PTPN13: variants seen among roughly 807,000 people sequenced by gnomAD.
PTPN13 encodes the protein protein tyrosine phosphatase non-receptor type 13.
Under a neutral mutation model 284.0 loss-of-function variants are expected in PTPN13, and 191 were observed. That is an observed-to-expected ratio of 0.67 (90% CI 0.60 to 0.76). The LOEUF (loss-of-function observed/expected upper bound fraction) is 0.76, where lower values mean the gene tolerates loss of function less well. Ranked by LOEUF, PTPN13 falls within the 30% of genes least tolerant of loss-of-function variation. PTPN13 has a pLI of 0.00. For missense variants in PTPN13, 2,797 were observed against 2,939.9 expected (o/e 0.95, Z 1.12); for synonymous variants, 986 against 1,022.3 (o/e 0.96, Z 0.68).
chr4:86,620,450 C>T (rs185990265), intron 1 of PTPN13, among the ~76,000 whole-genome samples: 42 of 152,270 alleles, frequency 2.8e-4, no homozygotes, highest in Non-Finnish European at 5.3e-4. Context: ...ATGAGCACTG[C>T]ACCCGCAGAA....
intron 23 of PTPN13, 140 bp downstream of exon 23, chr4:86,759,213 A>ATCTT: frequency 1.2e-6 from 1 of 856,746 alleles, no homozygotes; most frequent in South Asian, 1.8e-5. Flanking sequence ...AATGTGTTCC[A>ATCTT]TCTTTCTTTT....
At chr4:86,663,400 G>C (rs1399777860) in intron 2 of PTPN13, among the ~76,000 whole-genome samples, 1 of 152,194 alleles carries the variant, frequency 6.6e-6, no homozygotes, top group African/African-American at 2.4e-5. Flanking sequence ...TAATAAACTG[G>C]GGGAAACTTA....
At chr4:86,738,925 C>T (rs1735838360) in intron 15 of PTPN13, among the ~76,000 whole-genome samples, 1 of 152,218 alleles carries the variant, frequency 6.6e-6, no homozygotes, top group South Asian at 2.1e-4. Flanking sequence ...AAGTAATCTG[C>T]CTGCCTTGGC....
At chr4:86,600,432 CTTTTTTTTT>C (rs10588960) in intron 1 of PTPN13, among the ~76,000 whole-genome samples, 84 of 50,412 alleles carry the variant, frequency 1.7e-3, no homozygotes, top group African/African-American at 4.7e-3. Context: ...TACATAACCA[CTTTTTTTTT>C]TTTTTTTTTT....
intron 2 of PTPN13, among the ~76,000 whole-genome samples, chr4:86,653,453 T>C (rs544423206): frequency 4.1e-4 from 62 of 152,112 alleles, no homozygotes; most frequent in African/African-American, 1.5e-3. Context: ...CTGCAGCCAT[T>C]TCAGCACTAG....
At chr4:86,637,365 A>G (rs1002065588) in intron 2 of PTPN13, among the ~76,000 whole-genome samples, 3 of 152,168 alleles carry the variant, frequency 2.0e-5, no homozygotes, top group Admixed American at 6.5e-5. Flanking sequence ...AGCCGGGAAG[A>G]GACACAACCA....
chr4:86,752,098 A>T (rs1402625394), intron 19 of PTPN13, among the ~76,000 whole-genome samples: 12 of 152,122 alleles, frequency 7.9e-5, no homozygotes, highest in Admixed American at 6.5e-5. Context: ...AAAAGAATGG[A>T]TGTTTAAGCA....
At chr4:86,623,745 C>T (rs984041338) in intron 1 of PTPN13, among the ~76,000 whole-genome samples, 13 of 152,190 alleles carry the variant, frequency 8.5e-5, no homozygotes, top group African/African-American at 2.9e-4. Flanking sequence ...ATATGCACAT[C>T]TCACTCTCTC....
At position 86,701,517 on chromosome 4, in the gene PTPN13, ACT is replaced by A. The variant is rs1377871604; in HGVS notation, c.912_913del (p.Leu305AlafsTer5). 6 of 1,613,850 alleles carry A rather than the reference ACT, an allele frequency of 3.7e-6. No homozygotes were observed. The highest frequency in any genetic ancestry group is 1.3e-5 in the African/African-American group (1 of 74,924). ...AAGAAGATCTGGGCTTCATCCATGG[ACT>A]TGCTTTGTACAGCTGACAGAGACTT... On this transcript the variant is annotated frameshift_variant, in exon 7 of 48. Transcript: ENST00000411767. LOFTEE classifies it high-confidence loss of function.
chr4:86,781,457 C>T (rs1741292427), intron 36 of PTPN13, among the ~76,000 whole-genome samples: 1 of 152,076 alleles, frequency 6.6e-6, no homozygotes, highest in Admixed American at 6.5e-5. Flanking sequence ...TTTAAAAATA[C>T]ATTAAAAGTT....
intron 3 of PTPN13, among the ~76,000 whole-genome samples, chr4:86,677,922 C>A (rs1025069913): frequency 6.6e-6 from 1 of 152,072 alleles, no homozygotes; most frequent in African/African-American, 2.4e-5. Flanking sequence ...ACTTAGGGCA[C>A]CAAAATGGAT....
chr4:86,741,025 A>G (rs1190961360), intron 15 of PTPN13, among the ~76,000 whole-genome samples: 4 of 152,164 alleles, frequency 2.6e-5, no homozygotes, highest in African/African-American at 9.7e-5. Flanking sequence ...CCTGGACCTT[A>G]TTGTTCATAT....
In PTPN13 at chr4:86,775,483, G is replaced by T. The variant is rs747193139; in HGVS notation, c.5722G>T (p.Val1908Leu). Residue 1908 changes from valine (V) to leucine (L), a missense_variant, in exon 35 of 48, where the codon GTA becomes TTA. By Grantham distance (32) the Val-to-Leu change is conservative (BLOSUM62 1). Transcript: ENST00000411767. ...CGGHDSLYQV[V>L]YISDINPRSV... ...AGGTCATGACAGCCTTTATCAAGTG[G>T]TATATATTAGTGATATTAATCCAAG... The T allele has an allele frequency of 6.2e-7, 1 of 1,609,374 alleles. No homozygotes were observed. Among genetic ancestry groups the T allele is most frequent in the South Asian group, 1.1e-5 (1 of 90,916 alleles).
chr4:86,764,557 C>G, intron 24 of PTPN13, 36 bp from the exon 25 acceptor site: 7 of 1,347,874 alleles, frequency 5.2e-6, no homozygotes, highest in Non-Finnish European at 6.8e-6. Context: ...CATTTTGACT[C>G]TAACAAGAAA....
rs1454643037 is a variant in PTPN13, at chr4:86,807,679, A to G, written c.6865A>G (p.Thr2289Ala). ...YIACQGPLPTTVGDFWQMIWE... is the reference protein window; with the variant it reads ...YIACQGPLPTAVGDFWQMIWE... ...TGCCTGCCAAGGACCACTGCCTACA[A>G]CTGTTGGAGACTTCTGGCAGATGAT... Residue 2289 changes from threonine to alanine, a missense_variant, in exon 45 of 48, where the codon ACT becomes GCT. By Grantham distance (58) the Thr-to-Ala change is moderately conservative. Coordinates refer to ENST00000411767, the MANE Select transcript of PTPN13 (RefSeq NM_080683.3). 1.9e-6 allele frequency: 3 copies of G among 1,614,012 alleles called. No homozygotes were observed. Among genetic ancestry groups the G allele is most frequent in the Non-Finnish European group, 2.5e-6 (3 of 1,179,884 alleles).
At chr4:86,679,861 G>A (rs1296361511) in intron 3 of PTPN13, among the ~76,000 whole-genome samples, 1 of 152,166 alleles carries the variant, frequency 6.6e-6, no homozygotes, top group Non-Finnish European at 1.5e-5. Context: ...GGATCGAGAG[G>A]TAGAAAGTAT....
At chr4:86,709,356 T>G (rs1732124069) in intron 7 of PTPN13, among the ~76,000 whole-genome samples, 1 of 152,114 alleles carries the variant, frequency 6.6e-6, no homozygotes, top group South Asian at 2.1e-4. Context: ...ACCTCAAAAA[T>G]TTGGCCTTAT....
chr4:86,793,748 A>G (rs914138866), intron 40 of PTPN13, among the ~76,000 whole-genome samples: 2 of 152,240 alleles, frequency 1.3e-5, no homozygotes, highest in Non-Finnish European at 2.9e-5. Flanking sequence ...CTGCTCCTGA[A>G]TGACTACTGG....
At chr4:86,740,557 G>C (rs1736059759) in intron 15 of PTPN13, among the ~76,000 whole-genome samples, 1 of 152,136 alleles carries the variant, frequency 6.6e-6, no homozygotes, top group Non-Finnish European at 1.5e-5. Flanking sequence ...TAAACCTCCA[G>C]GCCTGCAATG....
Sources: gnomAD v4.1 joint callset for allele counts (sites outside exome capture counted in the v4.1 genomes callset) on GRCh38, gnomAD v4.1.1 for gene constraint, MANE v1.5 for transcripts, NCBI Gene and HGNC (gene_info 2026-07-23, HGNC 2026-07-21) for gene names.